ZYG11A: variants seen among roughly 807,000 people sequenced by gnomAD.
ZYG11A encodes zyg-11 family member A, cell cycle regulator, also known as protein zyg-11 homolog A.
In ZYG11A, 62 loss-of-function variants were observed where a neutral mutation model predicts 77.2. The observed-to-expected ratio is 0.80, with a 90% CI of 0.65 to 0.99. ZYG11A has a LOEUF of 0.99. ZYG11A is among the 50% of genes least tolerant of loss of function. ZYG11A has a pLI of 0.00. For synonymous variants in ZYG11A, 315 were observed against 324.6 expected, an observed-to-expected ratio of 0.97 and a Z score of 0.32; for missense variants, 828 against 896.8, an observed-to-expected ratio of 0.92 and a Z score of 0.98.
chr1:52,848,127 C>A (rs1195569325), intron 1 of ZYG11A, among the ~76,000 whole-genome samples: 3 of 152,152 alleles, frequency 2.0e-5, no homozygotes, highest in Admixed American at 6.6e-5. Context: ...CCTCAGTCTC[C>A]CAAAGTGCTG....
At chr1:52,851,165 T>G (rs1298391591) in intron 1 of ZYG11A, among the ~76,000 whole-genome samples, 2 of 151,162 alleles carry the variant, frequency 1.3e-5, no homozygotes, top group East Asian at 3.9e-4. Context: ...CTGCCTCAGC[T>G]CCCCAGGTAG....
intron 8 of ZYG11A, among the ~76,000 whole-genome samples, chr1:52,876,368 A>G (rs1646261271): frequency 6.6e-6 from 1 of 152,178 alleles, no homozygotes; most frequent in Non-Finnish European, 1.5e-5. Flanking sequence ...ATGCAGGAAC[A>G]TATCCCAGGA....
At chr1:52,866,665 T>A (rs1247728677) in intron 6 of ZYG11A, 98 bp downstream of exon 6, 1 of 699,174 alleles carries the variant, frequency 1.4e-6, no homozygotes, top group East Asian at 2.8e-5. Context: ...GGAGAGAAGG[T>A]TCTGTTGAGC....
In ZYG11A at chr1:52,894,578, G is replaced by C. The variant is rs938383608; in HGVS notation, c.*1621G>C. 1 of 152,290 alleles carries C rather than the reference G, an allele frequency of 6.6e-6. No individual in the cohort carries two copies. The highest frequency in any genetic ancestry group is 6.5e-5 in the Admixed American group (1 of 15,290). 9.4% of individuals were successfully genotyped at this position (152,290 alleles called of 1,614,324 possible). On this transcript the variant is annotated 3_prime_UTR_variant, in exon 14 of 14. Coordinates refer to ENST00000371528, the MANE Select transcript of ZYG11A (RefSeq NM_001004339.3). ...AGTAAATTTCTGTTAGCACATTTTA[G>C]GATTAGATTTTTGTGCTTTTGGCTG...
intron 2 of ZYG11A, among the ~76,000 whole-genome samples, chr1:52,855,789 G>A (rs72895496): frequency 1.3e-5 from 2 of 152,120 alleles, no homozygotes; most frequent in Admixed American, 1.3e-4. Context: ...ATACCACATT[G>A]TATTTATCTG....
chr1:52,864,178 GT>G, intron 5 of ZYG11A, 21 bp downstream of exon 5: 1 of 1,548,586 alleles, frequency 6.5e-7, no homozygotes. Context: ...TTGAATATTT[GT>G]TTGTGCTTTT....
chr1:52,866,544 T>G lies in ZYG11A; in HGVS notation c.1368T>G (p.Ile456Met). The G allele has an allele frequency of 6.5e-7, 1 of 1,543,986 alleles. No individual in the cohort carries two copies. Among genetic ancestry groups the G allele is most frequent in the Non-Finnish European group, 8.8e-7 (1 of 1,140,342 alleles). ...TTCTCTCCTTAACCAATTCCAGGAT[T>G]CTTGTGGATGTTCCATTTGACAGGC... is the stretch of plus-strand genomic sequence containing the variant. ...NCLLSLTNSR[I>M]LVDVPFDRFD... is the part of the protein sequence containing the mutation. The change falls in exon 6 of 14, where the codon ATT (isoleucine) becomes ATG (methionine). Residue 456 changes from isoleucine to methionine, a missense_variant. Physicochemically the swap from Ile to Met is conservative, Grantham distance 10. Transcript: ENST00000371528.
intron 13 of ZYG11A, among the ~76,000 whole-genome samples, chr1:52,889,272 C>A (rs983654592): frequency 2.0e-5 from 3 of 152,054 alleles, no homozygotes; most frequent in Non-Finnish European, 2.9e-5. Context: ...ATAGCTGGGA[C>A]TATGGGTATA....
At chr1:52,876,896 A>G (rs894099579) in intron 8 of ZYG11A, among the ~76,000 whole-genome samples, 4 of 152,334 alleles carry the variant, frequency 2.6e-5, no homozygotes. Flanking sequence ...CTCACATGAC[A>G]GTCTGATATT....
intron 1 of ZYG11A, among the ~76,000 whole-genome samples, chr1:52,851,919 T>C (rs1645720919): frequency 6.7e-6 from 1 of 150,162 alleles, no homozygotes; most frequent in Non-Finnish European, 1.5e-5. Context: ...TCCTAATTTT[T>C]TTTTTTTTTT....
At chr1:52,885,049 T>C (rs1571880733) in intron 11 of ZYG11A, among the ~76,000 whole-genome samples, 2 of 152,048 alleles carry the variant, frequency 1.3e-5, no homozygotes, top group East Asian at 3.9e-4. Flanking sequence ...GCTGGGATTA[T>C]AGGCACACAC....
chr1:52,852,368 A>ATTTT (rs35540943), intron 1 of ZYG11A, among the ~76,000 whole-genome samples: 4 of 134,124 alleles, frequency 3.0e-5, no homozygotes, highest in African/African-American at 1.1e-4. Flanking sequence ...TTTAGAGCAA[A>ATTTT]TTTTTTTTTT....
intron 11 of ZYG11A, 44 bp downstream of exon 11, chr1:52,881,709 T>C: frequency 1.4e-6 from 2 of 1,392,520 alleles, no homozygotes; most frequent in Non-Finnish European, 1.9e-6. Context: ...GAGTAATCTC[T>C]AATTACAGAA....
intron 1 of ZYG11A, among the ~76,000 whole-genome samples, chr1:52,847,113 T>TGCGGTG (rs1645601897): frequency 6.6e-6 from 1 of 152,012 alleles, no homozygotes; most frequent in Non-Finnish European, 1.5e-5. Flanking sequence ...CAGGCTGGAG[T>TGCGGTG]GCGGTGGCGT....
At position 52,867,388 on chromosome 1, in the gene ZYG11A, CT is replaced by C. The variant is rs1227376429; in HGVS notation, c.1392-150del. The C allele has an allele frequency of 6.5e-6, 4 of 613,040 alleles. No individual in the cohort carries two copies. In the African/African-American group the frequency reaches 7.4e-5, roughly 11 times the overall value. 38.0% of individuals were successfully genotyped at this position (613,040 alleles called of 1,614,324 possible). A position where few individuals can be genotyped will look rare whatever the true frequency, so the allele number is the denominator to read the frequency against. On this transcript the variant is annotated intron_variant, in intron 6 of 13. Transcript: ENST00000371528. ...TCCTATCCCCTGCCTGGTCTTCTCT[CT>C]GCCAAATGCTCTTGGTTTTCATAGC... is the stretch of plus-strand genomic sequence containing the variant.
intron 1 of ZYG11A, among the ~76,000 whole-genome samples, chr1:52,846,433 A>G (rs1432659745): frequency 2.1e-5 from 3 of 145,372 alleles, no homozygotes; most frequent in Non-Finnish European, 4.5e-5. Context: ...GCTCACCACA[A>G]CCTCCGCCTC....
At chr1:52,869,868 C>G (rs1482092389) in intron 8 of ZYG11A, among the ~76,000 whole-genome samples, 3 of 137,566 alleles carry the variant, frequency 2.2e-5, no homozygotes, top group African/African-American at 5.7e-5. Flanking sequence ...CTGACCCCCC[C>G]ACACCTCCCT....
chr1:52,881,365 A>G, intron 10 of ZYG11A, 106 bp from the exon 11 acceptor site: 1 of 754,398 alleles, frequency 1.3e-6, no homozygotes, highest in East Asian at 2.8e-5. Flanking sequence ...TAAGAATAAG[A>G]GTTCTGAATT....
rs1318672815 is a variant in ZYG11A at position 52,860,789 on chromosome 1, GA to G, written c.1068del (p.Arg356SerfsTer5). ...GAAGCACTGAGCCGATACAGGAACA[GA>G]TCATGTTTTGTGAAGGAAGCCCTCC... is the stretch of plus-strand genomic sequence containing the variant. ...ISEALSRYRN[R>X]SCFVKEALHR... On this transcript the variant is annotated frameshift_variant, in exon 4 of 14. Transcript: ENST00000371528. LOFTEE classifies it high-confidence loss of function. 4.3e-5 allele frequency: 67 copies of G among 1,551,576 alleles called. No individual in the cohort carries two copies. The highest frequency in any genetic ancestry group is 5.8e-5 in the Non-Finnish European group (67 of 1,146,992).
Sources: gnomAD v4.1 joint callset for allele counts (sites outside exome capture counted in the v4.1 genomes callset) on GRCh38, gnomAD v4.1.1 for gene constraint, MANE v1.5 for transcripts, NCBI Gene and HGNC (gene_info 2026-07-23, HGNC 2026-07-21) for gene names.